Variants in SCNN1B observed in about 807,000 individuals in gnomAD.
SCNN1B encodes sodium channel epithelial 1 subunit beta.
Under a neutral mutation model 65.3 loss-of-function variants are expected in SCNN1B, and 46 were observed. The observed-to-expected ratio is 0.70, with a 90% CI of 0.56 to 0.90. SCNN1B has a LOEUF of 0.90. Ranked by LOEUF, SCNN1B falls within the 40% of genes least tolerant of loss-of-function variation. The pLI, the probability that SCNN1B is intolerant of heterozygous loss-of-function variation, is 0.00. For synonymous variants in SCNN1B, 349 were observed against 330.6 expected (o/e 1.06, Z -0.60); for missense variants, 751 against 830.5 (o/e 0.90, Z 1.18).
At chr16:23,288,220 T>C (rs1264877194) in intron 2 of SCNN1B, among the ~76,000 whole-genome samples, 1 of 152,032 alleles carries the variant, frequency 6.6e-6, no homozygotes, top group East Asian at 1.9e-4. Flanking sequence ...TTAGCTAGGA[T>C]ATATCTATAA....
At chr16:23,308,117 T>C (rs1283157591) in intron 1 of SCNN1B, among the ~76,000 whole-genome samples, 1 of 151,920 alleles carries the variant, frequency 6.6e-6, no homozygotes. Flanking sequence ...AGTGGAAGGA[T>C]TGCTTGAGCC....
At chr16:23,284,210 GC>G (rs1960820643) in intron 2 of SCNN1B, among the ~76,000 whole-genome samples, 1 of 152,110 alleles carries the variant, frequency 6.6e-6, no homozygotes, top group Non-Finnish European at 1.5e-5. Flanking sequence ...TTCAAGACCA[GC>G]CTGGCCAACA....
chr16:23,316,982 T>C (rs920009169), intron 1 of SCNN1B, among the ~76,000 whole-genome samples: 22 of 152,174 alleles, frequency 1.4e-4, no homozygotes, highest in Admixed American at 1.4e-3. Context: ...GTCACCCACA[T>C]GGTTTCCCAG....
intron 2 of SCNN1B, among the ~76,000 whole-genome samples, chr16:23,294,787 G>A (rs1960972618): frequency 6.6e-6 from 1 of 152,084 alleles, no homozygotes; most frequent in East Asian, 1.9e-4. Flanking sequence ...CAGGTCAGGA[G>A]CTCAAAACCA....
intron 1 of SCNN1B, among the ~76,000 whole-genome samples, chr16:23,326,609 T>C (rs973516468): frequency 1.3e-5 from 2 of 151,758 alleles, no homozygotes; most frequent in East Asian, 3.9e-4. Context: ...GGATTATAGG[T>C]GTGCGCCACC....
chr16:23,359,240 G>A (rs546322403), intron 4 of SCNN1B: 1 of 152,130 alleles, frequency 6.6e-6, no homozygotes, highest in African/African-American at 2.4e-5. Flanking sequence ...TTTTATAGTT[G>A]CTGTAACCTG....
At chr16:23,350,288 A>G (rs1033669974) in intron 2 of SCNN1B, among the ~76,000 whole-genome samples, 5 of 152,056 alleles carry the variant, frequency 3.3e-5, no homozygotes, top group African/African-American at 1.2e-4. Flanking sequence ...ACAGTGGAAG[A>G]CTGTGGGATT....
At position 23,305,524 on chromosome 16, in the gene SCNN1B, AATATATATATTATATATATATATATATAT is replaced by A. The variant is rs1295094390; in HGVS notation, c.-9+3098_-9+3126del. ...ACATGGCAAAAACCCATCTCTACCAAATATATATATTATATATATATATATATATATATATATATATATATATATATATT... is the reference window on the plus strand; with the variant it reads ...ACATGGCAAAAACCCATCTCTACCAAATATATATATATATATATATATATT... On this transcript the variant is annotated intron_variant, in intron 1 of 12. Transcript: ENST00000343070. Among the ~76,000 whole-genome samples the A allele has an allele frequency of 2.9e-3, 14 of 4,896 alleles. 1 individual carries two copies. Among genetic ancestry groups the A allele is most frequent in the Non-Finnish European group, 4.4e-3 (13 of 2,988 alleles). The allele number at this position is 4,896 out of a possible 152,430, so 3.2% of individuals were successfully genotyped here.
At chr16:23,350,508 A>G (rs1033116587) in intron 2 of SCNN1B, among the ~76,000 whole-genome samples, 1 of 152,218 alleles carries the variant, frequency 6.6e-6, no homozygotes, top group African/African-American at 2.4e-5. Flanking sequence ...TTGGCCAGAT[A>G]TGGTGAAGAG....
intron 2 of SCNN1B, among the ~76,000 whole-genome samples, chr16:23,290,703 A>T (rs1960910219): frequency 6.6e-6 from 1 of 152,356 alleles, no homozygotes; most frequent in South Asian, 2.1e-4. Context: ...AATTAAAAAA[A>T]ATTAGACTTT....
At chr16:23,290,614 T>A (rs1960909278) in intron 2 of SCNN1B, among the ~76,000 whole-genome samples, 1 of 152,224 alleles carries the variant, frequency 6.6e-6, no homozygotes, top group African/African-American at 2.4e-5. Flanking sequence ...TCCTAAACTC[T>A]AGCTTTTAAG....
intron 3 of SCNN1B, among the ~76,000 whole-genome samples, chr16:23,354,315 T>C (rs1962372401): frequency 6.6e-6 from 1 of 152,226 alleles, no homozygotes; most frequent in African/African-American, 2.4e-5. Context: ...CTGCCATTAC[T>C]TCCCCAAGGG....
At chr16:23,357,337 C>G (rs897506266) in intron 4 of SCNN1B, among the ~76,000 whole-genome samples, 2 of 152,268 alleles carry the variant, frequency 1.3e-5, no homozygotes, top group Non-Finnish European at 2.9e-5. Context: ...AAGCCCAACA[C>G]TTTGGGAGGC....
rs767315512 is a variant in SCNN1B, at chr16:23,380,656, A to G, written c.1778A>G (p.Asp593Gly). ...EAHTNFGFQP[D>G]TAPRSPNTGP... Reference sequence around the variant, plus strand: ...CACACCAACTTTGGCTTCCAGCCTGACACGGCCCCCCGCAGCCCCAACACT... The same window carrying G: ...CACACCAACTTTGGCTTCCAGCCTGGCACGGCCCCCCGCAGCCCCAACACT... Residue 593 changes from aspartate to glycine, a missense_variant, in exon 13 of 13, where the codon GAC becomes GGC. Asp to Gly is a moderately conservative substitution (Grantham distance 94). Transcript: ENST00000343070. This position sits in a 1 kb window ranked among gnomAD's most constrained non-coding sequence, Gnocchi z 5.4. 11 of 1,612,946 alleles carry G rather than the reference A, an allele frequency of 6.8e-6. No homozygotes were observed. The highest frequency in any genetic ancestry group is 9.3e-6 in the Non-Finnish European group (11 of 1,179,564).
intron 4 of SCNN1B, among the ~76,000 whole-genome samples, chr16:23,360,141 T>C (rs12918501): frequency 0.092 from 14,021 of 151,964 alleles, 879 homozygotes; most frequent in South Asian, 0.21. Flanking sequence ...GAGGTTGCAG[T>C]GAGCTGAGAT....
intron 4 of SCNN1B, among the ~76,000 whole-genome samples, chr16:23,359,565 C>T (rs1962491757): frequency 1.3e-5 from 2 of 152,172 alleles, no homozygotes; most frequent in African/African-American, 4.8e-5. Context: ...CCTCTCTGCT[C>T]TCCCGGTGCT....
At chr16:23,374,617 C>T (rs965896476) in intron 7 of SCNN1B, among the ~76,000 whole-genome samples, 5 of 151,070 alleles carry the variant, frequency 3.3e-5, no homozygotes, top group African/African-American at 1.2e-4. Flanking sequence ...AACACTTGCC[C>T]GAAACCGAGC....
At chr16:23,312,040 G>T (rs1596823909) in intron 1 of SCNN1B, among the ~76,000 whole-genome samples, 1 of 152,096 alleles carries the variant, frequency 6.6e-6, no homozygotes, top group South Asian at 2.1e-4. Context: ...TACATTGGAG[G>T]CAGAGCTTTG....
At chr16:23,298,152 C>T (rs143347466), upstream of SCNN1B, among the ~76,000 whole-genome samples, 2 of 152,218 alleles carry the variant, frequency 1.3e-5, no homozygotes, top group East Asian at 3.9e-4. Flanking sequence ...AGAGACCTCC[C>T]AAACCAGTCA....
Sources: gnomAD v4.1 joint callset for allele counts (sites outside exome capture counted in the v4.1 genomes callset) on GRCh38, gnomAD v4.1.1 for gene constraint, Gnocchi (gnomAD v3.1) non-coding constraint, MANE v1.5 for transcripts, NCBI Gene and HGNC (gene_info 2026-07-23, HGNC 2026-07-21) for gene names.